HP1BP3: variants seen among roughly 807,000 people sequenced by gnomAD.
The protein encoded by HP1BP3 is heterochromatin protein 1-binding protein 3.
A neutral mutation model predicts 62.5 loss-of-function variants in HP1BP3; 12 were observed. That is an observed-to-expected ratio of 0.19 (90% CI 0.12 to 0.31). HP1BP3 has a LOEUF of 0.31. HP1BP3 is among the 10% of genes least tolerant of loss of function. The probability of loss-of-function intolerance (pLI) is 1.00; values close to 1 mark genes in which losing one functional copy is unlikely to be tolerated. For missense variants in HP1BP3, 502 were observed against 651.8 expected (o/e 0.77, Z 2.50); for synonymous variants, 260 against 237.8 (o/e 1.09, Z -0.86).
At chr1:20,783,872 T>C (rs1168012997) in intron 1 of HP1BP3, among the ~76,000 whole-genome samples, 1 of 151,988 alleles carries the variant, frequency 6.6e-6, no homozygotes, top group Admixed American at 6.6e-5. Flanking sequence ...CTGTAGTACC[T>C]GCTTTAGAAT....
At chr1:20,769,444 G>C (rs534475026) in intron 6 of HP1BP3, among the ~76,000 whole-genome samples, 8 of 152,152 alleles carry the variant, frequency 5.3e-5, no homozygotes, top group African/African-American at 1.9e-4. Context: ...TATAGTCCCA[G>C]GTACTCGGGA....
chr1:20,764,210 T>A (rs2056642593), intron 8 of HP1BP3, among the ~76,000 whole-genome samples: 1 of 152,198 alleles, frequency 6.6e-6, no homozygotes, highest in Non-Finnish European at 1.5e-5. Context: ...AAGCTTTCTA[T>A]CCTTTTTTTC....
intron 8 of HP1BP3, 134 bp from the exon 9 acceptor site, chr1:20,757,390 A>C: frequency 2.8e-6 from 1 of 351,540 alleles, no homozygotes. Flanking sequence ...TTTTTTTTTG[A>C]GGTGGAGTTT....
intron 7 of HP1BP3, among the ~76,000 whole-genome samples, chr1:20,766,630 T>C (rs1190362770): frequency 6.6e-6 from 1 of 152,132 alleles, no homozygotes; most frequent in Non-Finnish European, 1.5e-5. Context: ...TTTTTGGGTC[T>C]AGTATTTGGT....
chr1:20,759,291 T>C (rs1240069410), intron 8 of HP1BP3, among the ~76,000 whole-genome samples: 3 of 152,102 alleles, frequency 2.0e-5, no homozygotes, highest in Non-Finnish European at 4.4e-5. Flanking sequence ...TCCCAGCTAC[T>C]TGGGAGGCTG....
At position 20,749,855 on chromosome 1, in the gene HP1BP3, G is replaced by T. The variant is rs777997722; in HGVS notation, c.1009C>A (p.Leu337Ile). The change falls in exon 10 of 13, where the codon CTT becomes ATT. Residue 337 changes from leucine (L) to isoleucine (I), a missense_variant. Physicochemically the swap from Leu to Ile is conservative, Grantham distance 5. Coordinates refer to ENST00000438032, the MANE Select transcript of HP1BP3 (RefSeq NM_001372052.1). Reference protein sequence around the residue: ...QLKKSGEKPLLGGSLMEYAIL... With the variant: ...QLKKSGEKPLIGGSLMEYAIL... The stretch of plus-strand genomic sequence containing the variant: ...GCATATTCCATCAGGCTTCCACCAA[G>T]CAGGGGTTTCTCCCCTGATTTCTTC... 1 of 1,613,636 alleles carries T rather than the reference G, an allele frequency of 6.2e-7. No individual in the cohort carries two copies.
intron 9 of HP1BP3, among the ~76,000 whole-genome samples, chr1:20,750,752 G>A (rs114080907): frequency 0.02 from 2,958 of 150,210 alleles, 54 homozygotes; most frequent in Non-Finnish European, 0.028. Context: ...ACTCAAAGAT[G>A]ACAAGGATAA....
At chr1:20,763,763 C>T (rs894947949) in intron 8 of HP1BP3, among the ~76,000 whole-genome samples, 1 of 152,152 alleles carries the variant, frequency 6.6e-6, no homozygotes, top group Non-Finnish European at 1.5e-5. Flanking sequence ...CAATTACTAA[C>T]AAAATTATCT....
intron 1 of HP1BP3, among the ~76,000 whole-genome samples, chr1:20,784,476 C>CT (rs368306686): frequency 0.16 from 20,024 of 124,468 alleles, 2,758 homozygotes; most frequent in East Asian, 0.66. Context: ...TGTGTTTTCC[C>CT]TTTTTTTTTT....
chr1:20,776,067 T>A, intron 4 of HP1BP3: 1 of 1,357,694 alleles, frequency 7.4e-7, no homozygotes, highest in Non-Finnish European at 9.8e-7. Flanking sequence ...TTTATATAGA[T>A]ACACATCAAT....
At chr1:20,778,801 T>C (rs1226735754) in intron 3 of HP1BP3, among the ~76,000 whole-genome samples, 1 of 151,438 alleles carries the variant, frequency 6.6e-6, no homozygotes, top group East Asian at 1.9e-4. Flanking sequence ...TTTTTTTTTC[T>C]TTTTTTTGGA....
chr1:20,764,446 C>T (rs1265677836), intron 8 of HP1BP3, among the ~76,000 whole-genome samples: 26 of 151,636 alleles, frequency 1.7e-4, no homozygotes, highest in Admixed American at 1.6e-3. Context: ...TGGGTTCAAG[C>T]GATTCTCCTG....
intron 8 of HP1BP3, among the ~76,000 whole-genome samples, chr1:20,762,327 T>C (rs1465694231): frequency 6.6e-6 from 1 of 152,076 alleles, no homozygotes. Context: ...CCTAAGGTCA[T>C]GACAATATGT....
intron 9 of HP1BP3, among the ~76,000 whole-genome samples, chr1:20,756,200 G>A (rs2056097440): frequency 6.6e-6 from 1 of 152,102 alleles, no homozygotes; most frequent in Admixed American, 6.6e-5. Context: ...TTGAGTTTTG[G>A]TGTAGTATCA....
At chr1:20,751,001 G>C (rs2055710776) in intron 9 of HP1BP3, among the ~76,000 whole-genome samples, 1 of 151,630 alleles carries the variant, frequency 6.6e-6, no homozygotes, top group Non-Finnish European at 1.5e-5. Flanking sequence ...ATTTTTAGTA[G>C]AGACACGGTT....
At chr1:20,771,341 C>T (rs1427425576) in intron 5 of HP1BP3, among the ~76,000 whole-genome samples, 3 of 152,152 alleles carry the variant, frequency 2.0e-5, no homozygotes, top group Non-Finnish European at 2.9e-5. Context: ...GAACCTCTTT[C>T]CATTTTAATT....
chr1:20,783,769 C>CAAAAAAAAAAAAAAAAA (rs1164930528), intron 1 of HP1BP3, among the ~76,000 whole-genome samples: 1 of 53,134 alleles, frequency 1.9e-5, no homozygotes, highest in African/African-American at 8.4e-5. Flanking sequence ...GACTCTGTCT[C>CAAAAAAAAAAAAAAAAA]AAAAAAAAAA....
At chr1:20,778,909 C>T (rs1301318477) in intron 3 of HP1BP3, among the ~76,000 whole-genome samples, 1 of 151,978 alleles carries the variant, frequency 6.6e-6, no homozygotes, top group South Asian at 2.1e-4. Context: ...TGTGCCTCAG[C>T]CTCCTGAGTA....
Position 20,780,506 on chromosome 1 carries a change from T to G in HP1BP3, c.-66A>C. 1 of 1,145,250 alleles carries G rather than the reference T, an allele frequency of 8.7e-7. No individual in the cohort carries two copies. The highest frequency in any genetic ancestry group is 1.3e-6 in the Non-Finnish European group (1 of 756,672). 70.9% of individuals were successfully genotyped at this position (1,145,250 alleles called of 1,614,324 possible). The stretch of plus-strand genomic sequence containing the variant: ...AGCCTCTGCTGTTAACCACAAGGAT[T>G]TTTCCTAATGGTTTCAGTGTGGTGA... On this transcript the variant is annotated 5_prime_UTR_variant, in exon 2 of 13. Coordinates refer to ENST00000438032, the MANE Select transcript of HP1BP3 (RefSeq NM_001372052.1).
Sources: allele counts gnomAD v4.1 joint callset (sites outside exome capture counted in the v4.1 genomes callset), GRCh38; gene constraint gnomAD v4.1.1; transcripts MANE v1.5; gene names NCBI Gene and HGNC (gene_info 2026-07-23, HGNC 2026-07-21).